TCAIM: variants seen among roughly 807,000 people sequenced by gnomAD.
TCAIM encodes T cell activation inhibitor, mitochondrial.
In TCAIM, 36 loss-of-function variants were observed where a neutral mutation model predicts 58.6. The ratio of observed to expected loss-of-function variants is 0.61; its 90% confidence interval spans 0.47 to 0.81. The LOEUF (loss-of-function observed/expected upper bound fraction) is 0.81, where lower values mean the gene tolerates loss of function less well. Ranked by LOEUF, TCAIM falls within the 30% of genes least tolerant of loss-of-function variation. The pLI, the probability that TCAIM is intolerant of heterozygous loss-of-function variation, is 0.00. For missense variants in TCAIM, 466 were observed against 579.6 expected (o/e 0.80, Z 2.01); for synonymous variants, 172 against 193.6 (o/e 0.89, Z 0.93).
chr3:44,378,846 A>G (rs187235851), intron 5 of TCAIM, among the ~76,000 whole-genome samples: 34 of 151,862 alleles, frequency 2.2e-4, no homozygotes, highest in Non-Finnish European at 1.5e-4. Context: ...ACCACCTCAT[A>G]CCAGTTAGAA....
intron 5 of TCAIM, among the ~76,000 whole-genome samples, chr3:44,373,099 AAAAT>A (rs961314889): frequency 6.6e-6 from 1 of 152,220 alleles, no homozygotes; most frequent in African/African-American, 2.4e-5. Context: ...AGAAATCATA[AAAAT>A]AAATCAGTTG....
At chr3:44,388,033 T>C (rs1261667618) in intron 5 of TCAIM, among the ~76,000 whole-genome samples, 1 of 151,776 alleles carries the variant, frequency 6.6e-6, no homozygotes, top group Admixed American at 6.6e-5. Context: ...TATATATATA[T>C]TTAAATATTG....
chr3:44,406,989 G>T (rs1237341482), intron 10 of TCAIM, among the ~76,000 whole-genome samples: 1 of 152,170 alleles, frequency 6.6e-6, no homozygotes, highest in Non-Finnish European at 1.5e-5. Flanking sequence ...AGAGTGAAGA[G>T]AACCTGTCCT....
intron 1 of TCAIM, among the ~76,000 whole-genome samples, chr3:44,348,714 G>A (rs1701024476): frequency 6.6e-6 from 1 of 152,188 alleles, no homozygotes; most frequent in South Asian, 2.1e-4. Context: ...GGAGCAGATT[G>A]GGTAATAAAA....
chr3:44,372,024 A>T (rs954006767), intron 5 of TCAIM, among the ~76,000 whole-genome samples: 2 of 118,498 alleles, frequency 1.7e-5, no homozygotes, highest in Non-Finnish European at 3.7e-5. Context: ...GAAGGAAGGA[A>T]GGAAGGAAGG....
At chr3:44,370,140 T>C (rs193004702) in intron 5 of TCAIM, among the ~76,000 whole-genome samples, 44 of 152,260 alleles carry the variant, frequency 2.9e-4, no homozygotes, top group African/African-American at 9.4e-4. Flanking sequence ...ATTTTGACAG[T>C]TATGAGGACA....
intron 1 of TCAIM, among the ~76,000 whole-genome samples, chr3:44,342,298 T>C (rs1413335384): frequency 6.6e-6 from 1 of 152,178 alleles, no homozygotes; most frequent in Non-Finnish European, 1.5e-5. Context: ...ATCCACATGT[T>C]TCTGCTGTAA....
chr3:44,345,127 C>T (rs1700939441), intron 1 of TCAIM, among the ~76,000 whole-genome samples: 1 of 151,988 alleles, frequency 6.6e-6, no homozygotes, highest in Non-Finnish European at 1.5e-5. Flanking sequence ...GGCGACGTTT[C>T]TCAGGGCTGC....
At chr3:44,395,709 G>A (rs746688272) in intron 6 of TCAIM, among the ~76,000 whole-genome samples, 1 of 152,246 alleles carries the variant, frequency 6.6e-6, no homozygotes, top group African/African-American at 2.4e-5. Context: ...CTGAGGTCAG[G>A]TACGGTGGCT....
At chr3:44,377,383 G>A (rs1219385123) in intron 5 of TCAIM, among the ~76,000 whole-genome samples, 1 of 152,104 alleles carries the variant, frequency 6.6e-6, no homozygotes, top group Non-Finnish European at 1.5e-5. Flanking sequence ...AGCAAAAGTG[G>A]ACTGAATTGA....
chr3:44,396,137 C>T (rs1448859828), intron 6 of TCAIM, among the ~76,000 whole-genome samples: 1 of 152,180 alleles, frequency 6.6e-6, no homozygotes, highest in Non-Finnish European at 1.5e-5. Flanking sequence ...TAAATAGAAA[C>T]ATCTTATATT....
At chr3:44,371,113 T>A (rs762490096) in intron 5 of TCAIM, among the ~76,000 whole-genome samples, 22 of 151,882 alleles carry the variant, frequency 1.4e-4, no homozygotes, top group Non-Finnish European at 2.6e-4. Flanking sequence ...GGTTTCACCA[T>A]GTTGGCTAGA....
chr3:44,388,210 A>G (rs2125649287), intron 5 of TCAIM, among the ~76,000 whole-genome samples: 1 of 152,280 alleles, frequency 6.6e-6, no homozygotes, highest in African/African-American at 2.4e-5. Flanking sequence ...TGACAATACT[A>G]TTAGCTAACC....
chr3:44,366,037 A>G (rs766992968), intron 4 of TCAIM, among the ~76,000 whole-genome samples: 1 of 152,206 alleles, frequency 6.6e-6, no homozygotes, highest in Non-Finnish European at 1.5e-5. Flanking sequence ...TGTAGTGGAG[A>G]AAATATTTGG....
chr3:44,372,677 TC>T (rs1701498073), intron 5 of TCAIM, among the ~76,000 whole-genome samples: 1 of 151,840 alleles, frequency 6.6e-6, no homozygotes, highest in South Asian at 2.1e-4. Flanking sequence ...CACTGCAAGC[TC>T]CGCCTCCCGG....
At chr3:44,365,198 A>C (rs755777504) in intron 4 of TCAIM, among the ~76,000 whole-genome samples, 2 of 152,132 alleles carry the variant, frequency 1.3e-5, no homozygotes, top group African/African-American at 2.4e-5. Context: ...AGTAGTTCTA[A>C]GTTTACCCAA....
At chr3:44,341,795 A>C (rs1046489915) in intron 1 of TCAIM, among the ~76,000 whole-genome samples, 9 of 152,176 alleles carry the variant, frequency 5.9e-5, no homozygotes, top group African/African-American at 2.2e-4. Flanking sequence ...AGCTTCACAA[A>C]AGTTCTATGA....
At chr3:44,392,553 G>A (rs539015670) in intron 5 of TCAIM, among the ~76,000 whole-genome samples, 38 of 152,180 alleles carry the variant, frequency 2.5e-4, no homozygotes, top group Admixed American at 1.2e-3. Context: ...TTTAGCTCCC[G>A]TTTATAAGTG....
chr3:44,344,600 T>C (rs1013539599), intron 1 of TCAIM, among the ~76,000 whole-genome samples: 1 of 152,314 alleles, frequency 6.6e-6, no homozygotes, highest in Admixed American at 6.5e-5. Flanking sequence ...TTTCCTTTTT[T>C]CTGATAGTTT....
Sources: gnomAD v4.1 joint callset for allele counts (sites outside exome capture counted in the v4.1 genomes callset) on GRCh38, gnomAD v4.1.1 for gene constraint, MANE v1.5 for transcripts, NCBI Gene and HGNC (gene_info 2026-07-23, HGNC 2026-07-21) for gene names.